The following RNGTT variants were observed in gnomAD, a reference collection of about 807,000 sequenced individuals.
The protein encoded by RNGTT is RNA guanylyltransferase and 5'-phosphatase.
In RNGTT, 33 loss-of-function variants were observed where a neutral mutation model predicts 79.3. The ratio of observed to expected loss-of-function variants is 0.42; its 90% CI spans 0.32 to 0.56. The LOEUF is 0.56. RNGTT is among the 20% of genes least tolerant of loss of function. RNGTT has a pLI of 0.17. For synonymous variants in RNGTT, 222 were observed against 235.9 expected, an observed-to-expected ratio of 0.94 and a Z score of 0.54; for missense variants, 497 against 739.1, an observed-to-expected ratio of 0.67 and a Z score of 3.80.
At chr6:88,810,701 T>G (rs1486128396) in intron 11 of RNGTT, among the ~76,000 whole-genome samples, 1 of 152,234 alleles carries the variant, frequency 6.6e-6, no homozygotes, top group Non-Finnish European at 1.5e-5. Context: ...TAACCTACTG[T>G]TTCTTTTTCT....
At chr6:88,850,528 T>C (rs1345617504) in intron 9 of RNGTT, among the ~76,000 whole-genome samples, 1 of 151,988 alleles carries the variant, frequency 6.6e-6, no homozygotes, top group Non-Finnish European at 1.5e-5. Flanking sequence ...CTCATATTCT[T>C]ACTAGGAAAC....
At chr6:88,788,287 C>T (rs909741283) in intron 12 of RNGTT, among the ~76,000 whole-genome samples, 11 of 151,914 alleles carry the variant, frequency 7.2e-5, no homozygotes, top group Non-Finnish European at 1.3e-4. Context: ...CACTGAGCCC[C>T]GAGAAACACC....
chr6:88,625,806 C>T (rs1389425795), intron 14 of RNGTT, among the ~76,000 whole-genome samples: 2 of 151,934 alleles, frequency 1.3e-5, no homozygotes, highest in Non-Finnish European at 2.9e-5. Context: ...ATTTCAATCA[C>T]GTCATCCTTG....
chr6:88,711,808 A>AT (rs1334191715), intron 13 of RNGTT, among the ~76,000 whole-genome samples: 1 of 152,154 alleles, frequency 6.6e-6, no homozygotes, highest in Non-Finnish European at 1.5e-5. Flanking sequence ...CCATTTACTC[A>AT]TTTTTTGAGC....
At chr6:88,670,781 C>G (rs1338173867) in intron 14 of RNGTT, among the ~76,000 whole-genome samples, 2 of 152,168 alleles carry the variant, frequency 1.3e-5, no homozygotes, top group Non-Finnish European at 1.5e-5. Flanking sequence ...GTATCATGAC[C>G]CTTTCACGTG....
At chr6:88,924,784 T>C (rs1210248840) in intron 4 of RNGTT, among the ~76,000 whole-genome samples, 1 of 151,562 alleles carries the variant, frequency 6.6e-6, no homozygotes, top group Non-Finnish European at 1.5e-5. Flanking sequence ...GGAGTGCAGG[T>C]GTGATCATAC....
At chr6:88,886,852 T>C (rs1289343519) in intron 8 of RNGTT, among the ~76,000 whole-genome samples, 2 of 152,140 alleles carry the variant, frequency 1.3e-5, no homozygotes, top group African/African-American at 4.8e-5. Context: ...TTCTATTACC[T>C]GGCTTTACAT....
chr6:88,639,187 C>T (rs983307285), intron 14 of RNGTT, among the ~76,000 whole-genome samples: 1 of 151,932 alleles, frequency 6.6e-6, no homozygotes. Context: ...TACACTGAGT[C>T]CCTCTAAAGC....
At chr6:88,824,854 T>G (rs1005356966) in intron 11 of RNGTT, among the ~76,000 whole-genome samples, 1 of 147,536 alleles carries the variant, frequency 6.8e-6, no homozygotes, top group African/African-American at 2.7e-5. Context: ...GAGATTCTCC[T>G]ACCTCTGCCT....
chr6:88,829,500 G>A lies in RNGTT; in HGVS notation c.1269+14857C>T, dbSNP rs112125522. 9.6e-3 allele frequency among the ~76,000 whole-genome samples: 1,462 copies of A among 152,116 alleles called. 23 individuals carry two copies. The highest frequency in any genetic ancestry group is 0.033 in the African/African-American group (1,350 of 41,502). ...CAAAATAACCAGCTAGCATCATAAT[G>A]ACAGAATCAAATTCATACACAACAA... On this transcript the variant is annotated intron_variant, in intron 11 of 15. Coordinates refer to ENST00000369485, the MANE Select transcript of RNGTT (RefSeq NM_003800.5).
chr6:88,615,314 C>A (rs1260497436), intron 14 of RNGTT, among the ~76,000 whole-genome samples: 1 of 152,182 alleles, frequency 6.6e-6, no homozygotes, highest in Admixed American at 6.5e-5. Context: ...ATATTCACTA[C>A]CACCTAGGAA....
At chr6:88,669,501 A>G (rs919116971) in intron 14 of RNGTT, among the ~76,000 whole-genome samples, 1 of 152,250 alleles carries the variant, frequency 6.6e-6, no homozygotes, top group Non-Finnish European at 1.5e-5. Context: ...CCATCCCCGT[A>G]GGAAGCTCAA....
At chr6:88,797,316 C>T (rs1779630885) in intron 12 of RNGTT, among the ~76,000 whole-genome samples, 1 of 152,076 alleles carries the variant, frequency 6.6e-6, no homozygotes, top group Non-Finnish European at 1.5e-5. Flanking sequence ...CAGTTTACAG[C>T]TGAAACAAAA....
chr6:88,759,308 G>A (rs1294356888), intron 13 of RNGTT, among the ~76,000 whole-genome samples: 3 of 152,114 alleles, frequency 2.0e-5, no homozygotes, highest in Non-Finnish European at 4.4e-5. Context: ...GCATAAGAAG[G>A]TATTCTATGC....
intron 13 of RNGTT, among the ~76,000 whole-genome samples, chr6:88,759,418 T>C (rs1778132144): frequency 6.6e-6 from 1 of 152,172 alleles, no homozygotes. Flanking sequence ...AAAATCTTCG[T>C]GCTGGATATG....
chr6:88,937,312 T>A (rs1431613793), intron 2 of RNGTT, among the ~76,000 whole-genome samples: 1 of 151,708 alleles, frequency 6.6e-6, no homozygotes, highest in African/African-American at 2.4e-5. Context: ...ACCATTGCAC[T>A]CCAGCCTAGG....
rs142914670 is a variant in RNGTT at position 88,910,526 on chromosome 6, C to T, written c.368-4086G>A. On this transcript the variant is annotated intron_variant, in intron 4 of 15. Transcript: ENST00000369485. ...ATAAAGTGACCAAACCTACAACCCA[C>T]GATATTCCTAAGAAGAAAGAGTAAG... Among the ~76,000 whole-genome samples, 41 of 152,192 alleles carry T rather than the reference C, an allele frequency of 2.7e-4. No individual in the cohort carries two copies. In the East Asian group the frequency reaches 7.9e-3, roughly 29 times the overall value.
intron 14 of RNGTT, among the ~76,000 whole-genome samples, chr6:88,629,316 C>A (rs985144379): frequency 5.3e-5 from 8 of 152,142 alleles, no homozygotes; most frequent in Admixed American, 5.2e-4. Flanking sequence ...AACTGGTTTA[C>A]CGGCTTTCAC....
At chr6:88,784,858 G>A (rs1053452091) in intron 12 of RNGTT, among the ~76,000 whole-genome samples, 1 of 152,002 alleles carries the variant, frequency 6.6e-6, no homozygotes, top group African/African-American at 2.4e-5. Context: ...GAAAAGCAAA[G>A]TGTAAAATAA....
Sources: allele counts gnomAD v4.1 joint callset (sites outside exome capture counted in the v4.1 genomes callset), GRCh38; gene constraint gnomAD v4.1.1; transcripts MANE v1.5; gene names NCBI Gene and HGNC (gene_info 2026-07-23, HGNC 2026-07-21).